Variants in UBE3C observed in about 807,000 individuals in gnomAD.
The protein encoded by UBE3C is ubiquitin protein ligase E3C.
Under a neutral mutation model 129.4 loss-of-function variants are expected in UBE3C, and 42 were observed. The ratio of observed to expected loss-of-function variants is 0.32; its 90% CI spans 0.25 to 0.42. UBE3C has a LOEUF of 0.42. Ranked by LOEUF, UBE3C falls within the 10% of genes least tolerant of loss-of-function variation. UBE3C has a pLI of 1.00. For synonymous variants in UBE3C, 510 were observed against 492.4 expected (o/e 1.04, Z -0.47); for missense variants, 1,049 against 1,319.1 (o/e 0.80, Z 3.17).
chr7:157,260,724 C>T (rs1796880290), intron 22 of UBE3C, among the ~76,000 whole-genome samples: 1 of 152,132 alleles, frequency 6.6e-6, no homozygotes, highest in Non-Finnish European at 1.5e-5. Flanking sequence ...GTTTGGAGGA[C>T]CTGCTCCCAT....
chr7:157,250,570 G>T (rs557331147), intron 19 of UBE3C, among the ~76,000 whole-genome samples: 2 of 152,138 alleles, frequency 1.3e-5, no homozygotes, highest in East Asian at 3.9e-4. Context: ...TGATCCTCCT[G>T]CCTCAGCCTC....
At chr7:157,223,674 A>G (rs1795797714) in intron 16 of UBE3C, among the ~76,000 whole-genome samples, 1 of 152,198 alleles carries the variant, frequency 6.6e-6, no homozygotes, top group African/African-American at 2.4e-5. Context: ...CTGTAATCCC[A>G]GCACTTTGGG....
chr7:157,224,297 C>T (rs1383534556), intron 16 of UBE3C, among the ~76,000 whole-genome samples: 2 of 152,030 alleles, frequency 1.3e-5, no homozygotes, highest in African/African-American at 2.4e-5. Flanking sequence ...CGGATTCAAG[C>T]GATTCTCCTG....
chr7:157,139,987 T>C lies in UBE3C; in HGVS notation c.66+649T>C, dbSNP rs1807392819. ...ACTGTGGAGAGACTCCGGACTTACA[T>C]CTGTTGTGATCGACATTAAGTTGTT... is the stretch of plus-strand genomic sequence containing the variant. On this transcript the variant is annotated intron_variant, in intron 1 of 22. Coordinates refer to ENST00000348165, the MANE Select transcript of UBE3C (RefSeq NM_014671.3). The C allele has an allele frequency of 1.6e-5, 16 of 985,284 alleles. No homozygotes were observed. The South Asian group carries it at 7.0e-4, about 43-fold the overall frequency. 61.0% of individuals were successfully genotyped at this position (985,284 alleles called of 1,614,324 possible).
At chr7:157,259,160 T>C (rs1302485662) in intron 22 of UBE3C, among the ~76,000 whole-genome samples, 3 of 152,210 alleles carry the variant, frequency 2.0e-5, no homozygotes, top group African/African-American at 7.2e-5. Context: ...AAAATGAACA[T>C]TTTCAGGCCC....
At chr7:157,265,886 A>G (rs542187234) in intron 22 of UBE3C, among the ~76,000 whole-genome samples, 1 of 152,348 alleles carries the variant, frequency 6.6e-6, no homozygotes, top group South Asian at 2.1e-4. Context: ...CTGAAAAACA[A>G]TATTCAAATT....
chr7:157,158,663 T>C (rs1244164616), intron 1 of UBE3C, among the ~76,000 whole-genome samples: 3 of 152,242 alleles, frequency 2.0e-5, no homozygotes, highest in Non-Finnish European at 4.4e-5. Context: ...GAAGACAAAC[T>C]TGGTTCTGTT....
chr7:157,192,843 GTTAATAAAAGACATGAA>G (rs1345249983), intron 10 of UBE3C: 2 of 963,408 alleles, frequency 2.1e-6, no homozygotes, highest in African/African-American at 3.3e-5. Context: ...CTGCGTATGA[GTTAATAAAAGACATGAA>G]CTTAAAAAAA....
rs1294727193 is a variant in UBE3C at position 157,178,758 on chromosome 7, C to T, written c.527C>T (p.Ser176Leu). 6 of 1,614,048 alleles carry T rather than the reference C, an allele frequency of 3.7e-6. No homozygotes were observed. Among genetic ancestry groups the T allele is most frequent in the South Asian group, 1.1e-5 (1 of 91,084 alleles). The change falls in exon 6 of 23, where the codon TCG (serine) becomes TTG (leucine). Residue 176 changes from serine to leucine, a missense_variant. By Grantham distance (145) the Ser-to-Leu change is moderately radical. This residue lies in a region of UBE3C where 489 missense variants were observed against 513.8 expected (regional missense o/e 0.95). Coordinates refer to ENST00000348165, the MANE Select transcript of UBE3C (RefSeq NM_014671.3). ...ALPMRMLEVF[S>L]SENTYLPVLQ... ...CCAATGAGAATGCTTGAAGTATTTTCGTCTGAGAATACTTACTTGCCTGTT... is the reference window on the plus strand; with the variant it reads ...CCAATGAGAATGCTTGAAGTATTTTTGTCTGAGAATACTTACTTGCCTGTT...
chr7:157,193,578 C>G (rs1809033313), intron 10 of UBE3C, among the ~76,000 whole-genome samples: 1 of 152,026 alleles, frequency 6.6e-6, no homozygotes, highest in Admixed American at 6.5e-5. Context: ...AATTTTTAAT[C>G]TATCCCACTA....
At chr7:157,162,888 C>T (rs1808109960) in intron 1 of UBE3C, among the ~76,000 whole-genome samples, 1 of 152,060 alleles carries the variant, frequency 6.6e-6, no homozygotes, top group Non-Finnish European at 1.5e-5. Flanking sequence ...CTGGAACAGT[C>T]TTTGGGGGAG....
chr7:157,200,934 A>AT (rs995771182), intron 10 of UBE3C, among the ~76,000 whole-genome samples: 4 of 152,188 alleles, frequency 2.6e-5, no homozygotes, highest in African/African-American at 7.2e-5. Flanking sequence ...TTTAAGATAC[A>AT]TTTTTTTAGA....
At chr7:157,171,561 A>G (rs1456587473) in intron 4 of UBE3C, among the ~76,000 whole-genome samples, 2 of 150,830 alleles carry the variant, frequency 1.3e-5, no homozygotes, top group African/African-American at 4.9e-5. Context: ...GCATAGAAGA[A>G]TAATTTTTTT....
intron 13 of UBE3C, 61 bp downstream of exon 13, chr7:157,207,996 G>T: frequency 9.8e-7 from 1 of 1,018,250 alleles, no homozygotes. Context: ...CTTTTGTCTT[G>T]ACTCGTTGCA....
chr7:157,201,254 G>A (rs1809271280), intron 10 of UBE3C, among the ~76,000 whole-genome samples: 3 of 152,122 alleles, frequency 2.0e-5, no homozygotes, highest in African/African-American at 7.2e-5. Flanking sequence ...AACCCAGGAG[G>A]TGGAGGTTGC....
chr7:157,142,453 C>G (rs1807480236), intron 1 of UBE3C, among the ~76,000 whole-genome samples: 1 of 152,124 alleles, frequency 6.6e-6, no homozygotes, highest in South Asian at 2.1e-4. Context: ...AGAGTAATTG[C>G]TACATTCTAA....
rs147977568 is a variant in UBE3C at position 157,267,677 on chromosome 7, C to G, written c.3174C>G (p.Pro1058=). Residue 1058 remains proline, a synonymous_variant, in exon 23 of 23, where the codon CCC becomes CCG. Transcript: ENST00000348165. ...CCTGCATGAACCTGCTGAAGCTCCC[C>G]GAGTTCTATGACGAGACACTTTTGC... ...ASTCMNLLKL[P]EFYDETLLRS... The G allele has an allele frequency of 1.4e-4, 226 of 1,613,752 alleles. No homozygotes were observed. In the East Asian group the frequency reaches 5.0e-3, roughly 35 times the overall value.
chr7:157,187,124 A>G lies in UBE3C; in HGVS notation c.1331+103A>G, dbSNP rs555972762. On this transcript the variant is annotated intron_variant, in intron 10 of 22. Transcript: ENST00000348165. ...TAAGTTTTGTCTGCTCTTTTCTGGTAGAGATTGATGTAGGATATTCTACTG... is the reference window on the plus strand; with the variant it reads ...TAAGTTTTGTCTGCTCTTTTCTGGTGGAGATTGATGTAGGATATTCTACTG... 8.3e-6 allele frequency: 11 copies of G among 1,326,604 alleles called. No homozygotes were observed. The South Asian group carries it at 1.0e-4, about 12-fold the overall frequency. 82.2% of individuals were successfully genotyped at this position (1,326,604 alleles called of 1,614,324 possible).
intron 19 of UBE3C, among the ~76,000 whole-genome samples, chr7:157,252,873 C>T (rs929004087): frequency 6.6e-6 from 1 of 152,184 alleles, no homozygotes. Flanking sequence ...CCTCATCTAA[C>T]CCCAGGAATG....
Sources: gnomAD v4.1 joint callset for allele counts (sites outside exome capture counted in the v4.1 genomes callset) on GRCh38, gnomAD v4.1.1 for gene constraint, gnomAD v4.1.1 regional missense constraint, MANE v1.5 for transcripts, NCBI Gene and HGNC (gene_info 2026-07-23, HGNC 2026-07-21) for gene names.